Variants in MYH3 observed in about 807,000 individuals in gnomAD.
The protein encoded by MYH3 is myosin-3.
In MYH3, 130 loss-of-function variants were observed where a neutral mutation model predicts 238.0. The ratio of observed to expected loss-of-function variants is 0.55; its 90% CI spans 0.47 to 0.63. The LOEUF is 0.63. MYH3 is among the 30% of genes least tolerant of loss of function. The pLI is 0.00. For synonymous variants in MYH3, 880 were observed against 924.1 expected (o/e 0.95, Z 0.86); for missense variants, 1,853 against 2,374.9 (o/e 0.78, Z 4.57).
the MYH3 span, among the ~76,000 whole-genome samples, chr17:10,671,051 C>T: frequency 6.6e-6 from 1 of 152,086 alleles, no homozygotes; most frequent in Non-Finnish European, 1.5e-5. Flanking sequence ...CCACCACGCC[C>T]AGCTAATTTT....
chr17:10,659,828 A>T, upstream of MYH3, among the ~76,000 whole-genome samples: 1 of 152,206 alleles, frequency 6.6e-6, no homozygotes, highest in Non-Finnish European at 1.5e-5. Context: ...CGGTGAGAAG[A>T]GGGCCAGCGT....
At chr17:10,669,412 G>A in the MYH3 span, among the ~76,000 whole-genome samples, 1 of 151,930 alleles carries the variant, frequency 6.6e-6, no homozygotes, top group African/African-American at 2.4e-5. Flanking sequence ...AATTAGCCAG[G>A]CATGGTGGCT....
At chr17:10,669,997 T>C in the MYH3 span, among the ~76,000 whole-genome samples, 2 of 152,190 alleles carry the variant, frequency 1.3e-5, no homozygotes, top group Admixed American at 1.3e-4. Flanking sequence ...AGAGATTTAC[T>C]TGGACCAAAG....
chr17:10,640,649 G>T lies in MYH3; in HGVS notation c.2203C>A (p.Gln735Lys). Residue 735 changes from glutamine to lysine, a missense_variant, in exon 20 of 41, where the codon CAA becomes AAA. Around this residue, in one of 3 missense-constraint regions of MYH3, gnomAD observed 678 missense variants for 1,058.9 expected, o/e 0.64. Transcript: ENST00000583535. ...CAGGCTTTCTTGCTGTCAATGAATTGTCCCTCAGGGATTGCACTGGCATTC... is the reference window on the plus strand; with the variant it reads ...CAGGCTTTCTTGCTGTCAATGAATTTTCCCTCAGGGATTGCACTGGCATTC... ...VLNASAIPEGQFIDSKKACEK... is the reference protein window; with the variant it reads ...VLNASAIPEGKFIDSKKACEK... The T allele has an allele frequency of 6.2e-7, 1 of 1,614,206 alleles. No homozygotes were observed. The highest frequency in any genetic ancestry group is 1.3e-5 in the African/African-American group (1 of 75,074).
chr17:10,628,712 G>T (rs934575333), intron 40 of MYH3, 33 bp from the exon 41 acceptor site: 2 of 1,613,590 alleles, frequency 1.2e-6, no homozygotes, highest in East Asian at 4.5e-5. Context: ...GAGTCAAGTC[G>T]GGTGGCAGAG....
At chr17:10,628,733 AC>A (rs1460359732) in intron 40 of MYH3, 54 bp from the exon 41 acceptor site, 13 of 1,592,352 alleles carry the variant, frequency 8.2e-6, no homozygotes, top group Non-Finnish European at 1.1e-5. Context: ...ACACATTCCC[AC>A]CCACCACTTC....
Position 10,642,334 on chromosome 17 carries a change from G to T in MYH3, c.1889-24C>A, listed in dbSNP as rs201836592. 1 of 1,613,762 alleles carries T rather than the reference G, an allele frequency of 6.2e-7. No homozygotes were observed. The highest frequency in any genetic ancestry group is 8.5e-7 in the Non-Finnish European group (1 of 1,179,680). ...AGCTGAAAGCAATAAGGGAGGGCAC[G>T]TGCTGTAGGTGAATCTAAAAGGTTT... is the stretch of plus-strand genomic sequence containing the variant. On this transcript the variant is annotated intron_variant, in intron 16 of 40. Coordinates refer to ENST00000583535, the MANE Select transcript of MYH3 (RefSeq NM_002470.4). This position sits in a 1 kb window ranked among gnomAD's most constrained non-coding sequence, Gnocchi z 5.4.
chr17:10,648,798 C>T (rs2074347820), intron 7 of MYH3, 149 bp from the exon 8 acceptor site: 1 of 703,206 alleles, frequency 1.4e-6, no homozygotes, highest in Admixed American at 2.1e-5. Flanking sequence ...GCCTCAGCCT[C>T]CCGAGTACCT....
rs143973840 is a variant in MYH3, at chr17:10,654,899, G to A, written c.166C>T (p.Gln56Ter). 22 of 1,614,146 alleles carry A rather than the reference G, an allele frequency of 1.4e-5. No homozygotes were observed. Among genetic ancestry groups the A allele is most frequent in the Non-Finnish European group, 1.9e-5 (22 of 1,180,030 alleles). Residue 56 changes from glutamine (Q) to a stop codon, truncating the protein, a stop_gained, in exon 3 of 41, where the codon CAG becomes TAG. Coordinates refer to ENST00000583535, the MANE Select transcript of MYH3 (RefSeq NM_002470.4). LOFTEE classifies it high-confidence loss of function. The surrounding 1 kb of genome is among the most constrained non-coding windows in gnomAD (Gnocchi z 4.5). ...GTTTCCACAGTGACCTTCCCATCCT[G>A]AGAACTCTTGATTTTCCCCTTGGCA... ...EYAKGKIKSS[Q>*]DGKVTVETED...
chr17:10,655,706 C>T (rs2074422299), intron 2 of MYH3, among the ~76,000 whole-genome samples: 1 of 151,998 alleles, frequency 6.6e-6, no homozygotes. Context: ...GACTGGAGTG[C>T]AGTGGCACGA....
rs140074626 is a variant in MYH3 at position 10,637,934 on chromosome 17, G to A, written c.3731C>T (p.Ala1244Val). The change falls in exon 28 of 41, where the codon GCA becomes GTA. Residue 1244 changes from alanine to valine, a missense_variant and splice_region_variant. Around this residue, in one of 3 missense-constraint regions of MYH3, gnomAD observed 1,044 missense variants for 1,192.6 expected, o/e 0.88. Coordinates refer to ENST00000583535, the MANE Select transcript of MYH3 (RefSeq NM_002470.4). ...SSMESVSKSK[A>V]NLEKICRTLE... ...GGTTCGGCAGATTTTTTCCAGATTT[G>A]CCTGAAGGATTCAGAAAGGGGAGCA... The A allele has an allele frequency of 7.3e-4, 1,178 of 1,614,062 alleles. 4 individuals carry two copies. The highest frequency in any genetic ancestry group is 9.2e-4 in the Non-Finnish European group (1,087 of 1,180,022).
chr17:10,644,367 C>A lies in MYH3; in HGVS notation c.1394G>T (p.Gly465Val). The change falls in exon 14 of 41, where the codon GGC becomes GTC. Residue 465 changes from glycine (G) to valine (V), a missense_variant. Physicochemically the swap from Gly to Val is moderately radical, Grantham distance 109. This residue lies in a region of MYH3 where 678 missense variants were observed against 1,058.9 expected (regional missense o/e 0.64). Coordinates refer to ENST00000583535, the MANE Select transcript of MYH3 (RefSeq NM_002470.4). ...QHFIGVLDIA[G>V]FEIFEYNSLE... is the part of the protein sequence containing the mutation. The stretch of plus-strand genomic sequence containing the variant: ...AACACAAACCTCAAAGATTTCAAAG[C>A]CTGCAATGTCCAAAACACCAATGAA... The A allele has an allele frequency of 6.2e-7, 1 of 1,614,122 alleles. No individual in the cohort carries two copies. Among genetic ancestry groups the A allele is most frequent in the Non-Finnish European group, 8.5e-7 (1 of 1,179,964 alleles).
intron 4 of MYH3, chr17:10,652,020 C>T (rs567205117): frequency 5.8e-4 from 225 of 388,946 alleles, no homozygotes; most frequent in African/African-American, 4.2e-3. Flanking sequence ...GGATTACGGG[C>T]GTGAGCCACC....
rs2074229767 is a variant in MYH3, at chr17:10,637,859, C to T, written c.3806G>A (p.Arg1269Lys). Reference protein sequence around the residue: ...EARGKNEEIQRSLSELTTQKS... With the variant: ...EARGKNEEIQKSLSELTTQKS... Reference sequence around the variant, plus strand: ...CTGTGTGGTCAGCTCGCTCAGGCTCCTCTGAATTTCCTCATTCTTGCCCCT... The same window carrying T: ...CTGTGTGGTCAGCTCGCTCAGGCTCTTCTGAATTTCCTCATTCTTGCCCCT... Residue 1269 changes from arginine (R) to lysine (K), a missense_variant, in exon 28 of 41, where the codon AGG (arginine) becomes AAG (lysine). Around this residue, in one of 3 missense-constraint regions of MYH3, gnomAD observed 1,044 missense variants for 1,192.6 expected, o/e 0.88. Transcript: ENST00000583535. 6.2e-7 allele frequency: 1 copy of T among 1,614,086 alleles called. No individual in the cohort carries two copies. The highest frequency in any genetic ancestry group is 1.1e-5 in the South Asian group (1 of 91,076).
chr17:10,639,235 G>A, intron 24 of MYH3, 46 bp from the exon 25 acceptor site: 2 of 1,614,118 alleles, frequency 1.2e-6, no homozygotes, highest in Non-Finnish European at 1.7e-6. Flanking sequence ...CTTTGCAAGA[G>A]GACCCTTGAG....
the MYH3 span, among the ~76,000 whole-genome samples, chr17:10,671,038 G>C: frequency 6.6e-6 from 1 of 151,868 alleles, no homozygotes; most frequent in Non-Finnish European, 1.5e-5. Context: ...CTACAGGCAC[G>C]CACCACCACG....
At chr17:10,664,378 C>A in the MYH3 span, among the ~76,000 whole-genome samples, 1 of 151,954 alleles carries the variant, frequency 6.6e-6, no homozygotes, top group East Asian at 1.9e-4. Context: ...AGTGAGTGAC[C>A]GGCCAGGATT....
At chr17:10,657,719 G>A (rs2142437482), upstream of MYH3, among the ~76,000 whole-genome samples, 1 of 152,344 alleles carries the variant, frequency 6.6e-6, no homozygotes, top group Admixed American at 6.5e-5. Flanking sequence ...ATGGAAAAGT[G>A]AATAAGACTG....
At chr17:10,629,529 G>C in intron 40 of MYH3, 68 bp downstream of exon 40, 1 of 1,600,268 alleles carries the variant, frequency 6.2e-7, no homozygotes, top group African/African-American at 1.3e-5. Context: ...AGGGTTCTCT[G>C]AGGTTCCTTC....
Sources: allele counts gnomAD v4.1 joint callset (sites outside exome capture counted in the v4.1 genomes callset), GRCh38; gene constraint gnomAD v4.1.1; regional missense constraint gnomAD v4.1.1; non-coding constraint Gnocchi (gnomAD v3.1); transcripts MANE v1.5; gene names NCBI Gene and HGNC (gene_info 2026-07-23, HGNC 2026-07-21).